CPNE4: variants seen among roughly 807,000 people sequenced by gnomAD.
The protein encoded by CPNE4 is copine 4.
In CPNE4, 25 loss-of-function variants were observed where a neutral mutation model predicts 67.9. The observed-to-expected ratio is 0.37, with a 90% confidence interval of 0.27 to 0.51. The LOEUF (loss-of-function observed/expected upper bound fraction) is 0.51, where lower values mean the gene tolerates loss of function less well. Among genes scored for constraint, CPNE4 ranks in the 20% least tolerant of loss-of-function variants. The probability of loss-of-function intolerance (pLI) is 0.93; values close to 1 mark genes in which losing one functional copy is unlikely to be tolerated. For synonymous variants in CPNE4, 242 were observed against 244.9 expected (o/e 0.99, Z 0.11); for missense variants, 464 against 690.8 (o/e 0.67, Z 3.68).
intron 2 of CPNE4, among the ~76,000 whole-genome samples, chr3:131,898,687 C>A (rs1321555351): frequency 6.6e-6 from 1 of 152,020 alleles, no homozygotes; most frequent in Admixed American, 6.6e-5. Flanking sequence ...AGTTGAACAT[C>A]ATGGAACCAT....
intron 5 of CPNE4, among the ~76,000 whole-genome samples, chr3:131,691,983 G>A (rs191045010): frequency 3.3e-5 from 5 of 152,216 alleles, no homozygotes; most frequent in African/African-American, 1.2e-4. Flanking sequence ...GATGGCCATT[G>A]GGACAGTTCA....
intron 14 of CPNE4, among the ~76,000 whole-genome samples, chr3:131,545,266 T>C (rs1935762781): frequency 6.6e-6 from 1 of 152,172 alleles, no homozygotes; most frequent in Admixed American, 6.5e-5. Context: ...AATTAAAAAA[T>C]CTAAAAACCA....
At chr3:131,631,410 C>A (rs913938247) in intron 7 of CPNE4, among the ~76,000 whole-genome samples, 1 of 152,064 alleles carries the variant, frequency 6.6e-6, no homozygotes, top group African/African-American at 2.4e-5. Flanking sequence ...CTTCAGTAGG[C>A]CTAGAAAATG....
intron 1 of CPNE4, among the ~76,000 whole-genome samples, chr3:131,937,408 T>C (rs528589632): frequency 6.6e-6 from 1 of 152,258 alleles, no homozygotes; most frequent in South Asian, 2.1e-4. Context: ...AGCTAAAGAT[T>C]TTAAATACAG....
At chr3:131,709,197 G>A (rs2081498661) in intron 3 of CPNE4, among the ~76,000 whole-genome samples, 1 of 151,414 alleles carries the variant, frequency 6.6e-6, no homozygotes, top group Non-Finnish European at 1.5e-5. Flanking sequence ...AATAGTTTTT[G>A]CAATGAGCCT....
intron 2 of CPNE4, among the ~76,000 whole-genome samples, chr3:131,815,161 A>G (rs992165458): frequency 6.6e-6 from 1 of 152,214 alleles, no homozygotes; most frequent in Non-Finnish European, 1.5e-5. Flanking sequence ...AAAGGATTAG[A>G]AGGAAGTATT....
chr3:131,982,880 G>T (rs766659494), intron 1 of CPNE4, among the ~76,000 whole-genome samples: 2 of 151,780 alleles, frequency 1.3e-5, no homozygotes, highest in Non-Finnish European at 2.9e-5. Flanking sequence ...AAAATATTCT[G>T]CCTACATTAT....
intron 3 of CPNE4, among the ~76,000 whole-genome samples, chr3:131,708,450 G>T (rs2081468891): frequency 2.6e-5 from 4 of 152,142 alleles, no homozygotes; most frequent in African/African-American, 9.7e-5. Flanking sequence ...TGAGCTAAGA[G>T]TCTCCAAGTA....
intron 7 of CPNE4, among the ~76,000 whole-genome samples, chr3:131,663,077 A>G (rs10222626): frequency 0.35 from 52,977 of 152,112 alleles, 9,732 homozygotes; most frequent in African/African-American, 0.45. Flanking sequence ...CCCATTAATG[A>G]TAGACTGGAT....
chr3:131,687,769 C>T (rs759793240), intron 5 of CPNE4, among the ~76,000 whole-genome samples: 1 of 152,162 alleles, frequency 6.6e-6, no homozygotes, highest in Non-Finnish European at 1.5e-5. Context: ...TGATCTCAGT[C>T]TTCCAAAGTA....
intron 2 of CPNE4, among the ~76,000 whole-genome samples, chr3:131,824,881 C>T (rs2085093866): frequency 6.6e-6 from 1 of 152,048 alleles, no homozygotes; most frequent in Admixed American, 6.6e-5. Context: ...TATTCCTGAA[C>T]ATTCCTCATA....
chr3:131,997,768 T>G (rs1030779241), intron 1 of CPNE4, among the ~76,000 whole-genome samples: 5 of 152,086 alleles, frequency 3.3e-5, no homozygotes, highest in African/African-American at 1.2e-4. Flanking sequence ...AAACTTAGAT[T>G]GATGGCAACA....
chr3:131,922,139 T>C (rs189355852), intron 1 of CPNE4, among the ~76,000 whole-genome samples: 1 of 152,270 alleles, frequency 6.6e-6, no homozygotes, highest in African/African-American at 2.4e-5. Context: ...GTACCCAGTG[T>C]TTACCTTCCA....
intron 2 of CPNE4, among the ~76,000 whole-genome samples, chr3:131,855,003 C>G (rs1485094947): frequency 6.6e-6 from 1 of 151,974 alleles, no homozygotes; most frequent in Non-Finnish European, 1.5e-5. Context: ...AGCCTACAAC[C>G]AAGATACGGT....
intron 1 of CPNE4, among the ~76,000 whole-genome samples, chr3:131,913,687 G>C (rs1415816442): frequency 6.6e-6 from 1 of 152,058 alleles, no homozygotes; most frequent in Non-Finnish European, 1.5e-5. Flanking sequence ...CCTTGCCTTG[G>C]TCTCTCCTTC....
At chr3:131,929,669 T>C (rs370572484) in intron 1 of CPNE4, among the ~76,000 whole-genome samples, 13 of 152,212 alleles carry the variant, frequency 8.5e-5, no homozygotes, top group South Asian at 8.3e-4. Flanking sequence ...CTCCCTCCCT[T>C]ATCAAAATTC....
At chr3:131,886,903 C>G (rs542410813) in intron 2 of CPNE4, among the ~76,000 whole-genome samples, 1 of 152,180 alleles carries the variant, frequency 6.6e-6, no homozygotes, top group Non-Finnish European at 1.5e-5. Context: ...GGCTCATAGA[C>G]AGAAGGGACA....
intron 1 of CPNE4, among the ~76,000 whole-genome samples, chr3:131,984,406 T>TAC (rs1369486050): frequency 6.6e-6 from 1 of 152,212 alleles, no homozygotes; most frequent in Non-Finnish European, 1.5e-5. Context: ...CAGAAAGAAA[T>TAC]ACACCATGAG....
intron 2 of CPNE4, among the ~76,000 whole-genome samples, chr3:131,890,424 T>C (rs952045888): frequency 3.3e-5 from 5 of 151,544 alleles, no homozygotes; most frequent in African/African-American, 1.2e-4. Context: ...CATTATTATT[T>C]TTTTTTTAGA....
Sources: gnomAD v4.1 joint callset for allele counts (sites outside exome capture counted in the v4.1 genomes callset) on GRCh38, gnomAD v4.1.1 for gene constraint, MANE v1.5 for transcripts, NCBI Gene and HGNC (gene_info 2026-07-23, HGNC 2026-07-21) for gene names.